The following IPCEF1 variants were observed in gnomAD, a reference collection of about 807,000 sequenced individuals.
The protein encoded by IPCEF1 is interaction protein for cytohesin exchange factors 1, also known as interactor protein for cytohesin exchange factors 1.
Under a neutral mutation model 50.9 loss-of-function variants are expected in IPCEF1, and 31 were observed. The observed-to-expected ratio is 0.61, with a 90% CI of 0.46 to 0.82. The LOEUF (loss-of-function observed/expected upper bound fraction) is 0.82, where lower values mean the gene tolerates loss of function less well. IPCEF1 is among the 40% of genes least tolerant of loss of function. The probability of loss-of-function intolerance (pLI) is 0.00; values close to 1 mark genes in which losing one functional copy is unlikely to be tolerated. For missense variants in IPCEF1, 458 were observed against 514.0 expected, an observed-to-expected ratio of 0.89 and a Z score of 1.05; for synonymous variants, 181 against 192.0, an observed-to-expected ratio of 0.94 and a Z score of 0.47.
At chr6:154,227,987 CA>C (rs11289794) in intron 5 of IPCEF1, among the ~76,000 whole-genome samples, 89,386 of 150,032 alleles carry the variant, frequency 0.6, 26,888 homozygotes, top group South Asian at 0.78. Flanking sequence ...ATTTGACTTG[CA>C]AAAAAAAAAT....
chr6:154,215,076 C>G (rs1562546181), intron 7 of IPCEF1, among the ~76,000 whole-genome samples: 1 of 152,108 alleles, frequency 6.6e-6, no homozygotes, highest in Non-Finnish European at 1.5e-5. Context: ...TATTTCTGTA[C>G]CTATTTTGAG....
At chr6:154,329,782 G>T (rs1783615032) in intron 1 of IPCEF1, among the ~76,000 whole-genome samples, 1 of 152,014 alleles carries the variant, frequency 6.6e-6, no homozygotes, top group African/African-American at 2.4e-5. Flanking sequence ...CACTAGCTTA[G>T]TGGCGAATTC....
At position 154,168,344 on chromosome 6, in the gene IPCEF1, C is replaced by A. The variant is rs955993545; in HGVS notation, c.911-231G>T. Among the ~76,000 whole-genome samples the A allele has an allele frequency of 2.6e-5, 4 of 152,256 alleles. No homozygotes were observed. In the East Asian group the frequency reaches 7.7e-4, roughly 29 times the overall value. On this transcript the variant is annotated intron_variant, in intron 10 of 11. Coordinates refer to ENST00000367220, the MANE Select transcript of IPCEF1 (RefSeq NM_001130700.2). The surrounding 1 kb of genome is among the most constrained non-coding windows in gnomAD (Gnocchi z 4.1). ...GCACCAGGGAAGGAGTTATTCCAAGCCTCTCTCCTGGCTTCAAGTGGTTTT... is the reference window on the plus strand; with the variant it reads ...GCACCAGGGAAGGAGTTATTCCAAGACTCTCTCCTGGCTTCAAGTGGTTTT...
At chr6:154,305,694 C>T (rs1400445283) in intron 1 of IPCEF1, among the ~76,000 whole-genome samples, 4 of 152,260 alleles carry the variant, frequency 2.6e-5, no homozygotes, top group South Asian at 2.1e-4. Flanking sequence ...GAGGCAGACC[C>T]ACCTTCAATA....
chr6:154,176,924 A>G (rs557753459), intron 10 of IPCEF1, among the ~76,000 whole-genome samples: 6 of 152,316 alleles, frequency 3.9e-5, no homozygotes, highest in African/African-American at 1.4e-4. Context: ...ACAGCATGAC[A>G]CTGGTACTAA....
chr6:154,349,092 T>C, intron 1 of IPCEF1, among the ~76,000 whole-genome samples: 1 of 152,170 alleles, frequency 6.6e-6, no homozygotes, highest in East Asian at 1.9e-4. Context: ...TTATATTCTT[T>C]AGGAGTGAAT....
chr6:154,265,452 TG>T (rs2128654956), intron 3 of IPCEF1, among the ~76,000 whole-genome samples: 1 of 151,622 alleles, frequency 6.6e-6, no homozygotes, highest in Admixed American at 6.6e-5. Flanking sequence ...AGCTAATTTT[TG>T]TATTTTTAGT....
At chr6:154,211,419 A>C (rs1035415831) in intron 9 of IPCEF1, among the ~76,000 whole-genome samples, 1 of 142,890 alleles carries the variant, frequency 7.0e-6, no homozygotes, top group Non-Finnish European at 1.5e-5. Flanking sequence ...AAAAACAAAG[A>C]AAAAAAAAAA....
chr6:154,156,175 C>T lies in IPCEF1; in HGVS notation c.*3653G>A, dbSNP rs1406147849. ...GGAAACACAGCATGATTAGGTGAAA[C>T]CCCAATCCATAGACAGCCCGCCAGC... On this transcript the variant is annotated 3_prime_UTR_variant, in exon 12 of 12. Coordinates refer to ENST00000367220, the MANE Select transcript of IPCEF1 (RefSeq NM_001130700.2). The T allele has an allele frequency of 6.6e-6, 1 of 152,280 alleles. No individual in the cohort carries two copies. The highest frequency in any genetic ancestry group is 2.4e-5 in the African/African-American group (1 of 41,446). The allele number at this position is 152,280 out of a possible 1,614,324, so 9.4% of individuals were successfully genotyped here.
At chr6:154,276,951 C>T (rs1005319456) in intron 2 of IPCEF1, among the ~76,000 whole-genome samples, 3 of 152,180 alleles carry the variant, frequency 2.0e-5, no homozygotes, top group South Asian at 2.1e-4. Context: ...GCAGTGATAA[C>T]GTGGCTGCCA....
chr6:154,277,836 T>C (rs1424777338), intron 2 of IPCEF1, among the ~76,000 whole-genome samples: 1 of 152,204 alleles, frequency 6.6e-6, no homozygotes, highest in East Asian at 1.9e-4. Flanking sequence ...GCTTTTTTCT[T>C]GCTTTTAACT....
In IPCEF1 at chr6:154,197,276, TA is replaced by T. The variant is rs199782506; in HGVS notation, c.910+2391del. Among the ~76,000 whole-genome samples the T allele has an allele frequency of 2.1e-3, 317 of 151,044 alleles. 1 individual carries two copies. Among genetic ancestry groups the T allele is most frequent in the African/African-American group, 5.9e-3 (243 of 41,212 alleles). On this transcript the variant is annotated intron_variant, in intron 10 of 11. Coordinates refer to ENST00000367220, the MANE Select transcript of IPCEF1 (RefSeq NM_001130700.2). The stretch of plus-strand genomic sequence containing the variant: ...TGTCTGCAACACATAAACACACATG[TA>T]AAAAAAAATGCACAATATGAAATTT...
chr6:154,209,380 G>C (rs2128602658), intron 9 of IPCEF1, among the ~76,000 whole-genome samples: 1 of 152,256 alleles, frequency 6.6e-6, no homozygotes, highest in African/African-American at 2.4e-5. Flanking sequence ...ACTGAGTGCA[G>C]TGGCTTACGC....
chr6:154,345,671 C>T (rs538694626), intron 1 of IPCEF1, among the ~76,000 whole-genome samples: 1 of 152,254 alleles, frequency 6.6e-6, no homozygotes, highest in South Asian at 2.1e-4. Context: ...GTCAATTCTT[C>T]ACAGTATTTA....
At chr6:154,194,517 CA>C (rs1324047121) in intron 10 of IPCEF1, among the ~76,000 whole-genome samples, 2 of 152,042 alleles carry the variant, frequency 1.3e-5, no homozygotes, top group Admixed American at 6.5e-5. Flanking sequence ...TTATGACCTC[CA>C]ACTCCTCAAC....
chr6:154,232,019 G>T (rs1554297045), intron 5 of IPCEF1, among the ~76,000 whole-genome samples: 1 of 152,142 alleles, frequency 6.6e-6, no homozygotes, highest in Non-Finnish European at 1.5e-5. Context: ...GTAGTGACAT[G>T]TTATTATCAT....
At chr6:154,268,722 C>T (rs773598748) in intron 2 of IPCEF1, among the ~76,000 whole-genome samples, 17 of 151,970 alleles carry the variant, frequency 1.1e-4, no homozygotes, top group Non-Finnish European at 1.5e-5. Context: ...TGGGTTGTTT[C>T]CGTATCTGTT....
At chr6:154,233,798 T>C (rs186443223) in intron 5 of IPCEF1, among the ~76,000 whole-genome samples, 2 of 152,190 alleles carry the variant, frequency 1.3e-5, no homozygotes, top group African/African-American at 4.8e-5. Flanking sequence ...TGCATCTCAC[T>C]GTGGGAAAGC....
At chr6:154,335,883 T>C (rs570801956) in intron 1 of IPCEF1, among the ~76,000 whole-genome samples, 6 of 152,156 alleles carry the variant, frequency 3.9e-5, no homozygotes, top group South Asian at 2.1e-4. Context: ...CCAATAGATA[T>C]ATTAAAAAAC....
Sources: allele counts gnomAD v4.1 joint callset (sites outside exome capture counted in the v4.1 genomes callset), GRCh38; gene constraint gnomAD v4.1.1; non-coding constraint Gnocchi (gnomAD v3.1); transcripts MANE v1.5; gene names NCBI Gene and HGNC (gene_info 2026-07-23, HGNC 2026-07-21).